Variants in VWF observed in about 807,000 individuals in gnomAD.
VWF encodes the protein von Willebrand factor.
Under a neutral mutation model 308.6 loss-of-function variants are expected in VWF, and 176 were observed. That is an observed-to-expected ratio of 0.57 (90% CI 0.50 to 0.65). The LOEUF (loss-of-function observed/expected upper bound fraction) is 0.65. Ranked by LOEUF, VWF falls within the 30% of genes least tolerant of loss-of-function variation. The probability of loss-of-function intolerance (pLI) is 0.00; values close to 1 mark genes in which losing one functional copy is unlikely to be tolerated. For missense variants in VWF, 3,146 were observed against 3,648.2 expected, an observed-to-expected ratio of 0.86 and a Z score of 3.55; for synonymous variants, 1,385 against 1,443.4, an observed-to-expected ratio of 0.96 and a Z score of 0.92.
chr12:6,007,173 G>T (rs961449311), intron 34 of VWF, among the ~76,000 whole-genome samples: 1 of 152,162 alleles, frequency 6.6e-6, no homozygotes, highest in Admixed American at 6.5e-5. Flanking sequence ...AAAAAATCCA[G>T]ATAGAAGATC....
chr12:5,997,738 G>A (rs1381463935), intron 34 of VWF, among the ~76,000 whole-genome samples: 2 of 152,166 alleles, frequency 1.3e-5, no homozygotes, highest in Admixed American at 6.5e-5. Flanking sequence ...TGTAGGTATA[G>A]TAAAACTTGA....
intron 18 of VWF, among the ~76,000 whole-genome samples, chr12:6,041,475 G>A (rs1220893589): frequency 1.3e-5 from 2 of 151,516 alleles, no homozygotes; most frequent in African/African-American, 4.8e-5. Flanking sequence ...TTGAGACGGA[G>A]TCTCGCTCTG....
At chr12:5,997,514 G>C (rs551010036) in intron 34 of VWF, among the ~76,000 whole-genome samples, 35 of 152,220 alleles carry the variant, frequency 2.3e-4, no homozygotes, top group African/African-American at 8.2e-4. Flanking sequence ...TGTGACCTTG[G>C]ATCAGTTACT....
chr12:6,112,380 T>C (rs1211068588), intron 3 of VWF, among the ~76,000 whole-genome samples: 5 of 152,130 alleles, frequency 3.3e-5, no homozygotes, highest in Non-Finnish European at 1.5e-5. Flanking sequence ...TATTCAAAGA[T>C]AACTAATTGG....
At chr12:6,094,751 C>T (rs1185323546) in intron 6 of VWF, among the ~76,000 whole-genome samples, 2 of 152,080 alleles carry the variant, frequency 1.3e-5, no homozygotes, top group Non-Finnish European at 2.9e-5. Flanking sequence ...CTGGCTCTGT[C>T]ACCCAGGATG....
chr12:6,101,205 A>C (rs911503475), intron 5 of VWF, among the ~76,000 whole-genome samples: 1 of 152,196 alleles, frequency 6.6e-6, no homozygotes, highest in African/African-American at 2.4e-5. Flanking sequence ...CTAAGTAGAG[A>C]TGAGCTGATA....
chr12:5,998,465 C>CAA (rs1179417103), intron 34 of VWF, among the ~76,000 whole-genome samples: 64 of 54,570 alleles, frequency 1.2e-3, no homozygotes, highest in Non-Finnish European at 1.4e-3. Context: ...GAGACTCCGT[C>CAA]AAAAAAAAAA....
Position 6,123,170 on chromosome 12 carries a change from C to T in VWF, c.27G>A (p.Val9=), listed in dbSNP as rs1439947623. Reference sequence around the variant, plus strand: ...GCAAAATGAGGGCCAGAGCAAGCAGCACCCCGGCAAATCTGGCAGGAATCA... The same window carrying T: ...GCAAAATGAGGGCCAGAGCAAGCAGTACCCCGGCAAATCTGGCAGGAATCA... The part of the protein sequence containing the change: MIPARFAG[V]LLALALILPG... The change falls in exon 2 of 52, where the codon GTG becomes GTA. Residue 9 remains valine, a synonymous_variant. Transcript: ENST00000261405. 4 of 1,614,066 alleles carry T rather than the reference C, an allele frequency of 2.5e-6. No individual in the cohort carries two copies. The highest frequency in any genetic ancestry group is 1.6e-4 in the Middle Eastern group (1 of 6,084).
At position 6,075,331 on chromosome 12, in the gene VWF, T is replaced by C. The variant is rs1228841352; in HGVS notation, c.874+4A>G. ...GGGCAGGACGGGGCAGGGGGCCGAC[T>C]TACTGCACGCGCTGTGGTCGGTCCA... On this transcript the variant is annotated splice_donor_region_variant and intron_variant, in intron 7 of 51. Coordinates refer to ENST00000261405, the MANE Select transcript of VWF (RefSeq NM_000552.5). This position sits in a 1 kb window ranked among gnomAD's most constrained non-coding sequence, Gnocchi z 4.7. 6.2e-7 allele frequency: 1 copy of C among 1,613,898 alleles called. No individual in the cohort carries two copies. The highest frequency in any genetic ancestry group is 8.5e-7 in the Non-Finnish European group (1 of 1,179,962).
chr12:6,104,845 G>T (rs6489691), intron 5 of VWF, among the ~76,000 whole-genome samples: 1 of 152,092 alleles, frequency 6.6e-6, no homozygotes, highest in Non-Finnish European at 1.5e-5. Context: ...GACATGGTAT[G>T]AACCTAAATG....
At chr12:6,122,622 T>A (rs1396528685) in intron 2 of VWF, 1 of 391,282 alleles carries the variant, frequency 2.6e-6, no homozygotes, top group Non-Finnish European at 5.0e-6. Flanking sequence ...AGGTCAAAAG[T>A]CCCCTCCCGC....
rs373074982 is a variant in VWF, at chr12:6,016,539, C to T, written c.5288G>A (p.Arg1763Gln). 90 of 1,614,006 alleles carry T rather than the reference C, an allele frequency of 5.6e-5. No individual in the cohort carries two copies. The highest frequency in any genetic ancestry group is 7.2e-5 in the Non-Finnish European group (85 of 1,180,048). ...ACCGATTTGGCTGGGGCCTCCCTCC[C>T]GCTGCATGACGTCCACAAGGCTCAG... ...HLLSLVDVMQ[R>Q]EGGPSQIGDA... is the part of the protein sequence containing the mutation. The change falls in exon 30 of 52, where the codon CGG becomes CAG. Residue 1763 changes from arginine (R) to glutamine (Q), a missense_variant. Arg to Gln is a conservative substitution (Grantham distance 43). Coordinates refer to ENST00000261405, the MANE Select transcript of VWF (RefSeq NM_000552.5).
intron 5 of VWF, among the ~76,000 whole-genome samples, chr12:6,108,021 C>T (rs562083564): frequency 1.7e-4 from 26 of 152,048 alleles, no homozygotes; most frequent in East Asian, 9.7e-4. Flanking sequence ...AGGCCAGGCA[C>T]GGTGACTCAC....
chr12:6,060,260 G>C lies in VWF; in HGVS notation c.1534-2216C>G, dbSNP rs1050492511. Among the ~76,000 whole-genome samples, 6 of 152,208 alleles carry C rather than the reference G, an allele frequency of 3.9e-5. No homozygotes were observed. Among genetic ancestry groups the C allele is most frequent in the Non-Finnish European group, 8.8e-5 (6 of 68,038 alleles). ...AGGCAGAGCTGGGCCCTGCAGGGCAGCCAGCAGGGCAGGGAAGCAGCACAC... is the reference window on the plus strand; with the variant it reads ...AGGCAGAGCTGGGCCCTGCAGGGCACCCAGCAGGGCAGGGAAGCAGCACAC... On this transcript the variant is annotated intron_variant, in intron 13 of 51. Transcript: ENST00000261405. The surrounding 1 kb of genome is among the most constrained non-coding windows in gnomAD (Gnocchi z 5.1).
intron 41 of VWF, 145 bp downstream of exon 41, chr12:5,983,005 T>C: frequency 1.2e-6 from 1 of 806,566 alleles, no homozygotes; most frequent in South Asian, 1.6e-5. Context: ...CTAACCCCTC[T>C]GTTCCAGATG....
At chr12:6,059,516 G>T (rs78985485) in intron 13 of VWF, among the ~76,000 whole-genome samples, 1 of 152,202 alleles carries the variant, frequency 6.6e-6, no homozygotes, top group Non-Finnish European at 1.5e-5. Flanking sequence ...TGGAATCTGG[G>T]AAGTCCAAGA....
At chr12:5,952,852 G>A (rs1326771494) in intron 48 of VWF, among the ~76,000 whole-genome samples, 1 of 152,176 alleles carries the variant, frequency 6.6e-6, no homozygotes, top group African/African-American at 2.4e-5. Context: ...CAGCTAGTCC[G>A]GACTTCATAG....
In VWF at chr12:5,985,137, C is replaced by T; in HGVS notation, c.6902-18G>A. The T allele has an allele frequency of 1.9e-6, 3 of 1,613,526 alleles. No individual in the cohort carries two copies. The highest frequency in any genetic ancestry group is 1.1e-5 in the South Asian group (1 of 91,068). On this transcript the variant is annotated intron_variant, in intron 39 of 51. Coordinates refer to ENST00000261405, the MANE Select transcript of VWF (RefSeq NM_000552.5). The stretch of plus-strand genomic sequence containing the variant: ...CGTGGGAGCTAGAGGAGAGGAACGG[C>T]CACAAAAGTCAGAGAAATTAGTGGT...
rs1565390893 is a variant in VWF at position 6,103,399 on chromosome 12, CGTGTGTGT to C, written c.532+6967_532+6974del. On this transcript the variant is annotated intron_variant, in intron 5 of 51. Transcript: ENST00000261405. ...GTGTGTATACACGTGTGTGTATACACGTGTGTGTATACACACGTGTGTGTATACACACG... is the reference window on the plus strand; with the variant it reads ...GTGTGTATACACGTGTGTGTATACACATACACACGTGTGTGTATACACACG... Among the ~76,000 whole-genome samples the C allele has an allele frequency of 7.5e-4, 90 of 120,612 alleles. 2 individuals are homozygous for C. The highest frequency in any genetic ancestry group is 4.1e-3 in the Middle Eastern group (1 of 244). The allele number at this position is 120,612 out of a possible 152,430, so 79.1% of individuals were successfully genotyped here. A position where few individuals can be genotyped will look rare whatever the true frequency, so the allele number is the denominator to read the frequency against.
Sources: gnomAD v4.1 joint callset for allele counts (sites outside exome capture counted in the v4.1 genomes callset) on GRCh38, gnomAD v4.1.1 for gene constraint, Gnocchi (gnomAD v3.1) non-coding constraint, MANE v1.5 for transcripts, NCBI Gene and HGNC (gene_info 2026-07-23, HGNC 2026-07-21) for gene names.